The following PRKD1 variants were observed in gnomAD, a reference collection of about 807,000 sequenced individuals.
PRKD1 encodes serine/threonine-protein kinase D1.
Under a neutral mutation model 95.9 loss-of-function variants are expected in PRKD1, and 63 were observed. The observed-to-expected ratio is 0.66, with a 90% CI of 0.54 to 0.81. The LOEUF (loss-of-function observed/expected upper bound fraction) is 0.81. Among genes scored for constraint, PRKD1 ranks in the 30% least tolerant of loss-of-function variants. PRKD1 has a pLI of 0.00. For synonymous variants in PRKD1, 425 were observed against 423.1 expected, an observed-to-expected ratio of 1.00 and a Z score of -0.05; for missense variants, 1,048 against 1,165.3, an observed-to-expected ratio of 0.90 and a Z score of 1.47.
At chr14:29,708,678 C>T (rs1435653730) in intron 2 of PRKD1, among the ~76,000 whole-genome samples, 2 of 152,000 alleles carry the variant, frequency 1.3e-5, no homozygotes, top group African/African-American at 4.8e-5. Flanking sequence ...CATGGCAAAA[C>T]CTCCTCTCTA....
rs182384522 is a variant in PRKD1 at position 29,875,249 on chromosome 14, G to A, written c.264+52000C>T. ...GAGATAGATAAAATGGTGGGGTGAC[G>A]GGGAAGTACACAAAAGCCCAGATGG... On this transcript the variant is annotated intron_variant, in intron 1 of 17. Coordinates refer to ENST00000331968, the MANE Select transcript of PRKD1 (RefSeq NM_002742.3). 1.9e-3 allele frequency among the ~76,000 whole-genome samples: 291 copies of A among 152,130 alleles called. 1 individual carries two copies. Among genetic ancestry groups the A allele is most frequent in the African/African-American group, 6.8e-3 (283 of 41,482 alleles).
At chr14:29,731,867 C>CTTTTTTTTTT (rs56015138) in intron 1 of PRKD1, among the ~76,000 whole-genome samples, 1 of 144,542 alleles carries the variant, frequency 6.9e-6, no homozygotes, top group African/African-American at 2.6e-5. Flanking sequence ...ACAATCTCTA[C>CTTTTTTTTTT]TTTTTTTTTT....
At chr14:29,807,396 T>C (rs1446189610) in intron 1 of PRKD1, among the ~76,000 whole-genome samples, 2 of 151,830 alleles carry the variant, frequency 1.3e-5, no homozygotes, top group African/African-American at 4.8e-5. Context: ...TTTCCTCTTT[T>C]TTTAAAAAAA....
chr14:29,753,018 G>T (rs576237141), intron 1 of PRKD1, among the ~76,000 whole-genome samples: 6 of 151,970 alleles, frequency 3.9e-5, no homozygotes, highest in African/African-American at 1.2e-4. Context: ...AGAAATGAGG[G>T]TATTGAAAGA....
intron 1 of PRKD1, among the ~76,000 whole-genome samples, chr14:29,889,191 C>T (rs1481338865): frequency 2.0e-5 from 3 of 152,190 alleles, no homozygotes; most frequent in African/African-American, 4.8e-5. Flanking sequence ...CACAAGCATA[C>T]GGAGCCTTTA....
chr14:29,744,696 G>A (rs1011973602), intron 1 of PRKD1, among the ~76,000 whole-genome samples: 6 of 152,174 alleles, frequency 3.9e-5, no homozygotes, highest in South Asian at 2.1e-4. Flanking sequence ...ACAGGTGCCC[G>A]CCACCATGCC....
At chr14:29,835,545 G>C (rs1228895673) in intron 1 of PRKD1, among the ~76,000 whole-genome samples, 1 of 152,004 alleles carries the variant, frequency 6.6e-6, no homozygotes, top group Non-Finnish European at 1.5e-5. Flanking sequence ...CTTTGCTTTT[G>C]AACAAATTAC....
chr14:29,647,961 G>T (rs115458692), intron 4 of PRKD1, among the ~76,000 whole-genome samples: 1 of 152,156 alleles, frequency 6.6e-6, no homozygotes, highest in African/African-American at 2.4e-5. Flanking sequence ...GGTAACATTC[G>T]TGAGATTCAG....
Position 29,638,704 on chromosome 14 carries a change from C to A in PRKD1, c.897G>T (p.Leu299Phe). 1 of 1,614,122 alleles carries A rather than the reference C, an allele frequency of 6.2e-7. No individual in the cohort carries two copies. Among genetic ancestry groups the A allele is most frequent in the East Asian group, 2.2e-5 (1 of 44,862 alleles). The change falls in exon 5 of 18, where the codon TTG (leucine) becomes TTT (phenylalanine). Residue 299 changes from leucine to phenylalanine, a missense_variant. Physicochemically the swap from Leu to Phe is conservative, Grantham distance 22 (BLOSUM62 0). Coordinates refer to ENST00000331968, the MANE Select transcript of PRKD1 (RefSeq NM_002742.3). ...CAAAATCATCCTTACCTTTGCACTG[C>A]AAGCCCTGCCTGAAAAGCCCCTTCA... ...KLLKGLFRQGLQCKDCRFNCH... is the reference protein window; with the variant it reads ...KLLKGLFRQGFQCKDCRFNCH...
chr14:29,632,662 G>A (rs945187386), intron 9 of PRKD1, among the ~76,000 whole-genome samples: 2 of 151,696 alleles, frequency 1.3e-5, no homozygotes, highest in African/African-American at 4.9e-5. Flanking sequence ...CACTCCCCAG[G>A]GAAATTTAAA....
intron 1 of PRKD1, among the ~76,000 whole-genome samples, chr14:29,819,306 G>T (rs12897577): frequency 0.69 from 95,737 of 139,632 alleles, 31,319 homozygotes; most frequent in Middle Eastern, 0.76. Flanking sequence ...CTGGTGTGGA[G>T]AGGTGCAAAG....
At chr14:29,688,668 G>A (rs115874603) in intron 2 of PRKD1, among the ~76,000 whole-genome samples, 1,978 of 152,064 alleles carry the variant, frequency 0.013, 46 homozygotes, top group African/African-American at 0.043. Flanking sequence ...ATGATGGTTC[G>A]TCCCTGTAAT....
intron 1 of PRKD1, 73 bp downstream of exon 1, chr14:29,927,176 C>A (rs1473616860): frequency 7.5e-7 from 1 of 1,337,544 alleles, no homozygotes; most frequent in African/African-American, 1.6e-5. Flanking sequence ...AAAGTTGGCG[C>A]GGAGAGGGCC....
At chr14:29,638,623 G>A (rs1452331384) in intron 5 of PRKD1, 57 bp from the exon 6 acceptor site, 1 of 1,612,480 alleles carries the variant, frequency 6.2e-7, no homozygotes. Flanking sequence ...AAGAAAAGTG[G>A]TAACCAGAAA....
At chr14:29,853,456 G>A (rs1030492319) in intron 1 of PRKD1, among the ~76,000 whole-genome samples, 1 of 152,094 alleles carries the variant, frequency 6.6e-6, no homozygotes, top group Non-Finnish European at 1.5e-5. Context: ...TGGCAGAGAT[G>A]ATTACTTTAG....
intron 1 of PRKD1, among the ~76,000 whole-genome samples, chr14:29,920,059 AGG>A (rs1313593353): frequency 4.2e-4 from 57 of 134,416 alleles, no homozygotes; most frequent in East Asian, 2.9e-3. Context: ...GAAGGAAGGA[AGG>A]AAGGAAAGAA....
At chr14:29,598,641 C>T (rs550956853) in intron 15 of PRKD1, among the ~76,000 whole-genome samples, 20 of 152,278 alleles carry the variant, frequency 1.3e-4, no homozygotes, top group South Asian at 1.0e-3. Context: ...TAATTCCCTG[C>T]GGAGATAGCT....
chr14:29,788,409 A>G (rs762318160), intron 1 of PRKD1, among the ~76,000 whole-genome samples: 2 of 152,120 alleles, frequency 1.3e-5, no homozygotes, highest in Non-Finnish European at 2.9e-5. Flanking sequence ...ACCTTTTGGA[A>G]TTGAATCAGT....
At chr14:29,818,225 T>C (rs1890769563) in intron 1 of PRKD1, among the ~76,000 whole-genome samples, 1 of 152,218 alleles carries the variant, frequency 6.6e-6, no homozygotes, top group South Asian at 2.1e-4. Context: ...CCCAGGCTGC[T>C]TCTCAATTCA....
Sources: allele counts gnomAD v4.1 joint callset (sites outside exome capture counted in the v4.1 genomes callset), GRCh38; gene constraint gnomAD v4.1.1; transcripts MANE v1.5; gene names NCBI Gene and HGNC (gene_info 2026-07-23, HGNC 2026-07-21).